Variants in IFNL1 observed in about 807,000 individuals in gnomAD.
IFNL1 encodes the protein interferon lambda 1, also known as interferon lambda-1.
IFNL1 carries 16 observed loss-of-function variants against 17.1 expected under a neutral mutation model. The observed-to-expected ratio is 0.93, with a 90% confidence interval of 0.63 to 1.42. IFNL1 has a LOEUF of 1.42. Ranked by LOEUF, IFNL1 falls within the 40% of genes most tolerant of loss-of-function variation. The pLI is 0.00. For missense variants in IFNL1, 262 were observed against 249.4 expected, an observed-to-expected ratio of 1.05 and a Z score of -0.34; for synonymous variants, 104 against 111.4, an observed-to-expected ratio of 0.93 and a Z score of 0.42.
At chr19:39,297,551 C>T (rs575389359) in intron 2 of IFNL1, among the ~76,000 whole-genome samples, 2 of 152,110 alleles carry the variant, frequency 1.3e-5, no homozygotes, top group East Asian at 1.9e-4. Flanking sequence ...AAATCCTGAC[C>T]TCAGGTGATC....
rs780040485 is a variant in IFNL1, at chr19:39,296,466, C to T, written c.45C>T (p.Gly15=). ...TGGTGCTGGTGACTTTGGTGCTAGG[C>T]TTGGCCGTGGCAGGCCCTGTCCCCA... ...WTVVLVTLVL[G]LAVAGPVPTS... is the part of the protein sequence containing the mutation. The change falls in exon 1 of 5, where the codon GGC becomes GGT. Residue 15 remains glycine, a synonymous_variant. Coordinates refer to ENST00000333625, the MANE Select transcript of IFNL1 (RefSeq NM_172140.2). The T allele has an allele frequency of 6.2e-7, 1 of 1,612,432 alleles. No homozygotes were observed. The highest frequency in any genetic ancestry group is 8.5e-7 in the Non-Finnish European group (1 of 1,179,926).
At chr19:39,297,428 C>T (rs1466703405) in intron 2 of IFNL1, among the ~76,000 whole-genome samples, 5 of 149,148 alleles carry the variant, frequency 3.4e-5, no homozygotes, top group African/African-American at 1.2e-4. Context: ...AAGCAATTAT[C>T]CTGCCTCAGC....
rs750429468 is a variant in IFNL1, at chr19:39,297,985, T to C, written c.271T>C (p.Leu91=). Residue 91 remains leucine (L), a synonymous_variant, in exon 3 of 5, where the codon TTG becomes CTG. Transcript: ENST00000333625. ...TCAGGTGAGGGAGCGCCCTGTGGCC[T>C]TGGAGGCTGAGCTGGCCCTGACGCT... ...LLQVRERPVA[L]EAELALTLKV... is the part of the protein sequence containing the mutation. 5.6e-6 allele frequency: 9 copies of C among 1,614,074 alleles called. No homozygotes were observed. Among genetic ancestry groups the C allele is most frequent in the Admixed American group, 5.0e-5 (3 of 60,004 alleles).
At position 39,297,958 on chromosome 19, in the gene IFNL1, C is replaced by G. The variant is rs371220847; in HGVS notation, c.250-6C>G. 2.3e-5 allele frequency: 37 copies of G among 1,614,046 alleles called. No homozygotes were observed. The highest frequency in any genetic ancestry group is 3.0e-5 in the Non-Finnish European group (35 of 1,180,030). The stretch of plus-strand genomic sequence containing the variant: ...CCCTCACCTGCTCTTTCTCACCTCT[C>G]CTCAGGTGAGGGAGCGCCCTGTGGC... On this transcript the variant is annotated splice_polypyrimidine_tract_variant and splice_region_variant and intron_variant, in intron 2 of 4. Coordinates refer to ENST00000333625, the MANE Select transcript of IFNL1 (RefSeq NM_172140.2).
In IFNL1 at chr19:39,296,855, C is replaced by T. The variant is rs1440113418; in HGVS notation, c.222C>T (p.Pro74=). The T allele has an allele frequency of 1.4e-5, 23 of 1,613,962 alleles. 1 individual carries two copies. In the Admixed American group the frequency reaches 2.5e-4, roughly 18 times the overall value. ...KNWSCSSPVF[P]GNWDLRLLQV... The stretch of plus-strand genomic sequence containing the variant: ...GGAGTTGCAGCTCTCCTGTCTTCCC[C>T]GGGAATTGGGACCTGAGGCTTCTCC... The change falls in exon 2 of 5, where the codon CCC becomes CCT. Residue 74 remains proline (P), a synonymous_variant. Coordinates refer to ENST00000333625, the MANE Select transcript of IFNL1 (RefSeq NM_172140.2).
Position 39,298,484 on chromosome 19 carries a change from CTG to C in IFNL1, c.572_573del (p.Leu191GlnfsTer7). Reference sequence around the variant, plus strand: ...ATATGTGGCCGATGGGAACCTGTGTCTGAGAACGTCAACCCACCCTGAGTCCA... The same window carrying C: ...ATATGTGGCCGATGGGAACCTGTGTCAGAACGTCAACCCACCCTGAGTCCA... Reference protein sequence around the residue: ...LKYVADGNLCLRTSTHPEST With the variant: ...LKYVADGNLCXRTSTHPEST On this transcript the variant is annotated frameshift_variant, in exon 5 of 5. Transcript: ENST00000333625. LOFTEE classifies it low-confidence loss of function (END_TRUNC). 1 of 1,614,196 alleles carries C rather than the reference CTG, an allele frequency of 6.2e-7. No homozygotes were observed. The highest frequency in any genetic ancestry group is 8.5e-7 in the Non-Finnish European group (1 of 1,180,032).
chr19:39,298,370 C>CCA lies in IFNL1; in HGVS notation c.478-20_478-19dup, dbSNP rs774086575. ...GCCCAGACCCTGGACAGCCCCTGAC[C>CCA]CATCCCCTCCTCCCCTACAGGAGTC... On this transcript the variant is annotated intron_variant, in intron 4 of 4. Coordinates refer to ENST00000333625, the MANE Select transcript of IFNL1 (RefSeq NM_172140.2). 56 of 1,614,078 alleles carry CCA rather than the reference C, an allele frequency of 3.5e-5. No homozygotes were observed. The East Asian group carries it at 1.2e-3, about 36-fold the overall frequency.
intron 1 of IFNL1, 62 bp from the exon 2 acceptor site, chr19:39,296,743 T>C: frequency 1.3e-6 from 2 of 1,531,598 alleles, no homozygotes; most frequent in East Asian, 4.5e-5. Flanking sequence ...ACTTCATCCT[T>C]GCTGCTATGA....
chr19:39,298,391 G>T lies in IFNL1; in HGVS notation c.478G>T (p.Glu160Ter). The T allele has an allele frequency of 6.2e-7, 1 of 1,614,200 alleles. No homozygotes were observed. The highest frequency in any genetic ancestry group is 8.5e-7 in the Non-Finnish European group (1 of 1,180,040). Residue 160 changes from glutamate (E) to a stop codon, truncating the protein, a stop_gained and splice_region_variant, in exon 5 of 5, where the codon GAG (glutamate) becomes TAG (stop). Transcript: ENST00000333625. LOFTEE classifies it low-confidence loss of function (END_TRUNC). Reference sequence around the variant, plus strand: ...TGACCCATCCCCTCCTCCCCTACAGGAGTCCGCTGGCTGCCTGGAGGCATC... The same window carrying T: ...TGACCCATCCCCTCCTCCCCTACAGTAGTCCGCTGGCTGCCTGGAGGCATC... ...LHRLQEAPKK[E>*]SAGCLEASVT... is the part of the protein sequence containing the mutation.
rs1010131668 is a variant in IFNL1 at position 39,298,313 on chromosome 19, GAGA to G, written c.477+20_477+22del. On this transcript the variant is annotated intron_variant, in intron 4 of 4. Transcript: ENST00000333625. ...CCCAAAAAGGTGAGTGACCCAGGAA[GAGA>G]AGGACCAGGGTCTGGGGAGCCAATA... 5.0e-5 allele frequency: 81 copies of G among 1,614,042 alleles called. No homozygotes were observed. Among genetic ancestry groups the G allele is most frequent in the Non-Finnish European group, 6.9e-5 (81 of 1,180,020 alleles).
chr19:39,296,703 G>T (rs2075100271), intron 1 of IFNL1, 102 bp from the exon 2 acceptor site: 1 of 1,485,472 alleles, frequency 6.7e-7, no homozygotes, highest in Non-Finnish European at 9.3e-7. Flanking sequence ...TATCCTTTCT[G>T]CACTGGGTTA....
In IFNL1 at chr19:39,298,125, G is replaced by A. The variant is rs371729087; in HGVS notation, c.393+18G>A. 48 of 1,612,388 alleles carry A rather than the reference G, an allele frequency of 3.0e-5. No individual in the cohort carries two copies. The African/African-American group carries it at 3.5e-4, about 12-fold the overall frequency. On this transcript the variant is annotated intron_variant, in intron 3 of 4. Coordinates refer to ENST00000333625, the MANE Select transcript of IFNL1 (RefSeq NM_172140.2). ...AGGCCTGTGTGAGTCCTTGGGGCCC[G>A]GGCACCCAGGTCTGTGGGCTCTGAG...
At chr19:39,297,916 G>A (rs1310760758) in intron 2 of IFNL1, 48 bp from the exon 3 acceptor site, 3 of 1,610,960 alleles carry the variant, frequency 1.9e-6, no homozygotes, top group African/African-American at 1.3e-5. Flanking sequence ...CACTAACTGG[G>A]TCTTCTTGCC....
At chr19:39,296,752 G>A in intron 1 of IFNL1, 53 bp from the exon 2 acceptor site, 1 of 1,546,960 alleles carries the variant, frequency 6.5e-7, no homozygotes, top group South Asian at 1.1e-5. Flanking sequence ...TTGCTGCTAT[G>A]AGCTAGCTTC....
chr19:39,296,696 C>T, intron 1 of IFNL1, 104 bp downstream of exon 1: 1 of 1,483,424 alleles, frequency 6.7e-7, no homozygotes, highest in Non-Finnish European at 9.3e-7. Flanking sequence ...AAACCTCTAT[C>T]CTTTCTGCAC....
chr19:39,296,618 C>T, intron 1 of IFNL1, 26 bp downstream of exon 1: 2 of 1,600,166 alleles, frequency 1.2e-6, no homozygotes, highest in Non-Finnish European at 8.5e-7. Context: ...TGTGGATGAA[C>T]CACTTCTACG....
intron 2 of IFNL1, among the ~76,000 whole-genome samples, chr19:39,297,376 T>G (rs973203706): frequency 6.9e-6 from 1 of 144,518 alleles, no homozygotes; most frequent in Non-Finnish European, 1.5e-5. Context: ...TGGAGTGCAG[T>G]GGCATGATCT....
In IFNL1 at chr19:39,297,998, T is replaced by C; in HGVS notation, c.284T>C (p.Leu95Pro). ...RERPVALEAE[L>P]ALTLKVLEAA... Reference sequence around the variant, plus strand: ...CGCCCTGTGGCCTTGGAGGCTGAGCTGGCCCTGACGCTGAAGGTCCTGGAG... The same window carrying C: ...CGCCCTGTGGCCTTGGAGGCTGAGCCGGCCCTGACGCTGAAGGTCCTGGAG... Residue 95 changes from leucine (L) to proline (P), a missense_variant, in exon 3 of 5, where the codon CTG becomes CCG. Coordinates refer to ENST00000333625, the MANE Select transcript of IFNL1 (RefSeq NM_172140.2). 1 of 1,614,188 alleles carries C rather than the reference T, an allele frequency of 6.2e-7. No homozygotes were observed. Among genetic ancestry groups the C allele is most frequent in the South Asian group, 1.1e-5 (1 of 91,088 alleles).
chr19:39,298,000 G>A lies in IFNL1; in HGVS notation c.286G>A (p.Ala96Thr). The A allele has an allele frequency of 6.2e-7, 1 of 1,614,140 alleles. No individual in the cohort carries two copies. The highest frequency in any genetic ancestry group is 8.5e-7 in the Non-Finnish European group (1 of 1,180,020). Residue 96 changes from alanine to threonine, a missense_variant, in exon 3 of 5, where the codon GCC becomes ACC. Physicochemically the swap from Ala to Thr is moderately conservative, Grantham distance 58. Coordinates refer to ENST00000333625, the MANE Select transcript of IFNL1 (RefSeq NM_172140.2). ...ERPVALEAEL[A>T]LTLKVLEAAA... is the part of the protein sequence containing the mutation. The stretch of plus-strand genomic sequence containing the variant: ...CCCTGTGGCCTTGGAGGCTGAGCTG[G>A]CCCTGACGCTGAAGGTCCTGGAGGC...
Sources: gnomAD v4.1 joint callset for allele counts (sites outside exome capture counted in the v4.1 genomes callset) on GRCh38, gnomAD v4.1.1 for gene constraint, MANE v1.5 for transcripts, NCBI Gene and HGNC (gene_info 2026-07-23, HGNC 2026-07-21) for gene names.